SCNN1B: variants seen among roughly 807,000 people sequenced by gnomAD.
SCNN1B encodes sodium channel epithelial 1 subunit beta.
A neutral mutation model predicts 65.3 loss-of-function variants in SCNN1B; 46 were observed. The observed-to-expected ratio is 0.70, with a 90% CI of 0.56 to 0.90. The LOEUF (loss-of-function observed/expected upper bound fraction) is 0.90. SCNN1B is among the 40% of genes least tolerant of loss of function. The pLI, the probability that SCNN1B is intolerant of heterozygous loss-of-function variation, is 0.00. For missense variants in SCNN1B, 751 were observed against 830.5 expected (o/e 0.90, Z 1.18); for synonymous variants, 349 against 330.6 (o/e 1.06, Z -0.60).
intron 1 of SCNN1B, among the ~76,000 whole-genome samples, chr16:23,320,756 G>C (rs962406662): frequency 1.3e-5 from 2 of 152,314 alleles, no homozygotes; most frequent in East Asian, 3.9e-4. Flanking sequence ...TGAAGTCGTG[G>C]GTAGGCCCTG....
chr16:23,362,930 A>C (rs994387296), intron 4 of SCNN1B, among the ~76,000 whole-genome samples: 1 of 151,872 alleles, frequency 6.6e-6, no homozygotes, highest in African/African-American at 2.4e-5. Context: ...GCCCAGAGCT[A>C]TTTCTTCCCT....
intron 11 of SCNN1B, among the ~76,000 whole-genome samples, chr16:23,379,037 G>T (rs911140669): frequency 2.2e-5 from 3 of 133,572 alleles, no homozygotes; most frequent in African/African-American, 9.4e-5. Flanking sequence ...CCACCCACGC[G>T]CCCAGCCATC....
intron 2 of SCNN1B, 89 bp from the exon 3 acceptor site, chr16:23,352,712 C>T: frequency 7.1e-7 from 1 of 1,416,760 alleles, no homozygotes; most frequent in South Asian, 1.2e-5. Context: ...AGTGTGAAAA[C>T]AGACTACTAT....
intron 2 of SCNN1B, among the ~76,000 whole-genome samples, chr16:23,296,442 C>G (rs1325573079): frequency 6.6e-6 from 1 of 152,194 alleles, no homozygotes; most frequent in East Asian, 1.9e-4. Context: ...CTACCCACCC[C>G]ACTCGAGGGC....
intron 2 of SCNN1B, among the ~76,000 whole-genome samples, chr16:23,352,335 G>T (rs1962326804): frequency 6.6e-6 from 1 of 152,210 alleles, no homozygotes; most frequent in African/African-American, 2.4e-5. Context: ...TGGCAGCCAT[G>T]CTGGAGTAGC....
At chr16:23,370,259 C>T (rs375998195) in intron 5 of SCNN1B, among the ~76,000 whole-genome samples, 3 of 152,276 alleles carry the variant, frequency 2.0e-5, no homozygotes, top group East Asian at 1.9e-4. Context: ...GTGGCCGCCA[C>T]CATGCCTGGC....
chr16:23,378,913 T>A, intron 11 of SCNN1B, 146 bp downstream of exon 11: 1 of 738,534 alleles, frequency 1.4e-6, no homozygotes, highest in Non-Finnish European at 2.3e-6. Context: ...GCACTAGGAG[T>A]GAGAGAGAGG....
chr16:23,337,673 TG>T (rs1961973091), intron 1 of SCNN1B, among the ~76,000 whole-genome samples: 1 of 152,036 alleles, frequency 6.6e-6, no homozygotes, highest in African/African-American at 2.4e-5. Flanking sequence ...CCACCGTGCT[TG>T]GCCCCAGGTT....
intron 2 of SCNN1B, among the ~76,000 whole-genome samples, 191 bp downstream of exon 2, chr16:23,349,101 TTTTC>T (rs1962254406): frequency 6.6e-6 from 1 of 152,082 alleles, no homozygotes; most frequent in Non-Finnish European, 1.5e-5. Context: ...TTCTTTTTTC[TTTTC>T]TTTCTTTCCT....
At chr16:23,334,896 T>G (rs377580552) in intron 1 of SCNN1B, among the ~76,000 whole-genome samples, 25 of 152,284 alleles carry the variant, frequency 1.6e-4, no homozygotes, top group African/African-American at 6.0e-4. Context: ...ATAAACGTGT[T>G]TTTTTCCCCA....
At chr16:23,355,935 T>A (rs2078835) in intron 4 of SCNN1B, among the ~76,000 whole-genome samples, 1 of 151,796 alleles carries the variant, frequency 6.6e-6, no homozygotes, top group Non-Finnish European at 1.5e-5. Flanking sequence ...TAGAAAATAG[T>A]AAAATAAATT....
chr16:23,355,105 G>A (rs1190747943), intron 3 of SCNN1B, among the ~76,000 whole-genome samples, 194 bp from the exon 4 acceptor site: 5 of 152,286 alleles, frequency 3.3e-5, no homozygotes, highest in African/African-American at 1.2e-4. Flanking sequence ...CTTGTGGTCA[G>A]CACACAGCTG....
chr16:23,365,597 G>GA (rs757476451), intron 4 of SCNN1B, among the ~76,000 whole-genome samples: 1 of 59,770 alleles, frequency 1.7e-5, no homozygotes, highest in African/African-American at 7.1e-5. Context: ...GAGAAAGAAA[G>GA]AAAGAAAGAA....
intron 1 of SCNN1B, chr16:23,323,545 A>G (rs1961631925): frequency 2.8e-6 from 2 of 703,020 alleles, no homozygotes; most frequent in Non-Finnish European, 5.2e-6. Flanking sequence ...TTTTCCCCTC[A>G]TTTTACAGAT....
chr16:23,289,179 G>A (rs952581780), intron 2 of SCNN1B, among the ~76,000 whole-genome samples: 3 of 152,178 alleles, frequency 2.0e-5, no homozygotes, highest in African/African-American at 7.2e-5. Flanking sequence ...AGCACCCTTC[G>A]AAGATGACTG....
intron 4 of SCNN1B, 41 bp from the exon 5 acceptor site, chr16:23,367,815 T>C (rs889833422): frequency 1.3e-6 from 2 of 1,490,142 alleles, no homozygotes; most frequent in Non-Finnish European, 1.9e-6. Flanking sequence ...AGGCATTGCC[T>C]GTGGTGGAAC....
chr16:23,317,432 G>C (rs541998056), intron 1 of SCNN1B, among the ~76,000 whole-genome samples: 13 of 152,196 alleles, frequency 8.5e-5, no homozygotes, highest in African/African-American at 2.9e-4. Flanking sequence ...AGCAGTGTGG[G>C]GACATGACTG....
intron 8 of SCNN1B, among the ~76,000 whole-genome samples, chr16:23,376,346 G>A (rs62029388): frequency 1.2e-4 from 8 of 66,238 alleles, no homozygotes; most frequent in Non-Finnish European, 1.1e-4. Context: ...TTTTGTGCAC[G>A]TGTGTGTGTG....
At chr16:23,368,007 C>A (rs887861988) in intron 5 of SCNN1B, 48 bp downstream of exon 5, 3 of 1,395,434 alleles carry the variant, frequency 2.1e-6, no homozygotes, top group Non-Finnish European at 3.1e-6. Context: ...CTTTAACCAC[C>A]CCCACAATGT....
Sources: allele counts gnomAD v4.1 joint callset (sites outside exome capture counted in the v4.1 genomes callset), GRCh38; gene constraint gnomAD v4.1.1; transcripts MANE v1.5; gene names NCBI Gene and HGNC (gene_info 2026-07-23, HGNC 2026-07-21).